SHANK1: variants seen among roughly 807,000 people sequenced by gnomAD.
SHANK1 encodes the protein SH3 and multiple ankyrin repeat domains protein 1.
Under a neutral mutation model 165.6 loss-of-function variants are expected in SHANK1, and 35 were observed. That is an observed-to-expected ratio of 0.21 (90% CI 0.16 to 0.28). SHANK1 has a LOEUF of 0.28. Ranked by LOEUF, SHANK1 falls within the 10% of genes least tolerant of loss-of-function variation. The pLI is 1.00. For missense variants in SHANK1, 2,681 were observed against 3,036.4 expected (o/e 0.88, Z 2.75); for synonymous variants, 1,428 against 1,384.8 (o/e 1.03, Z -0.69).
At chr19:50,715,857 A>C in intron 3 of SHANK1, 127 bp from the exon 4 acceptor site, 1 of 892,062 alleles carries the variant, frequency 1.1e-6, no homozygotes, top group Non-Finnish European at 1.9e-6. Context: ...GGTGGGAGTG[A>C]AAACAGCCCT....
In SHANK1 at chr19:50,717,097, C is replaced by A. The variant is rs2089079874; in HGVS notation, c.-43-135G>T. 1.5e-6 allele frequency: 1 copy of A among 674,082 alleles called. No individual in the cohort carries two copies. Among genetic ancestry groups the A allele is most frequent in the Non-Finnish European group, 2.2e-6 (1 of 458,974 alleles). The allele number at this position is 674,082 out of a possible 1,614,324, so 41.8% of individuals were successfully genotyped here. A position where few individuals can be genotyped will look rare whatever the true frequency, so the allele number is the denominator to read the frequency against. ...ATAGGCAGGAAGGAGGCTGGACACA[C>A]CCTCGGCCTGCACGGCCTCCCCTGC... On this transcript the variant is annotated intron_variant, in intron 1 of 23. Transcript: ENST00000293441. The surrounding 1 kb of genome is among the most constrained non-coding windows in gnomAD (Gnocchi z 5.5).
chr19:50,685,030 G>T (rs915821323), intron 21 of SHANK1, among the ~76,000 whole-genome samples: 1 of 152,314 alleles, frequency 6.6e-6, no homozygotes, highest in Non-Finnish European at 1.5e-5. Flanking sequence ...AAAAGCCAAA[G>T]GACCCAGTTT....
In SHANK1 at chr19:50,687,912, C is replaced by A; in HGVS notation, c.2308+11G>T. Reference sequence around the variant, plus strand: ...GCAGTGGGGTGGCTGCGAGAGTGGCCGCAGGAGCACCTTTCTTGTGCACTG... The same window carrying A: ...GCAGTGGGGTGGCTGCGAGAGTGGCAGCAGGAGCACCTTTCTTGTGCACTG... On this transcript the variant is annotated intron_variant, in intron 18 of 23. Transcript: ENST00000293441. 1 of 1,613,784 alleles carries A rather than the reference C, an allele frequency of 6.2e-7. No homozygotes were observed. The highest frequency in any genetic ancestry group is 8.5e-7 in the Non-Finnish European group (1 of 1,179,884).
chr19:50,701,933 C>T (rs994867359), intron 12 of SHANK1, among the ~76,000 whole-genome samples: 5 of 152,184 alleles, frequency 3.3e-5, no homozygotes, highest in East Asian at 1.9e-4. Context: ...ACCCTCGCCA[C>T]GGCCAAACAT....
chr19:50,681,776 A>G (rs1568433201), intron 21 of SHANK1, among the ~76,000 whole-genome samples: 2 of 152,082 alleles, frequency 1.3e-5, no homozygotes, highest in African/African-American at 4.8e-5. Context: ...CAGTGAATTA[A>G]TTTATGTATT....
rs1425861918 is a variant in SHANK1, at chr19:50,663,939, TC to T, written c.5769-1258del. On this transcript the variant is annotated intron_variant, in intron 23 of 23. Coordinates refer to ENST00000293441, the MANE Select transcript of SHANK1 (RefSeq NM_016148.5). ...TTTCTTTTCTTTCTCTCTCTCTCTC[TC>T]TTTTTTTTTTTTTTTTTAAGACAGG... Among the ~76,000 whole-genome samples the T allele has an allele frequency of 4.4e-3, 338 of 76,712 alleles. 2 individuals carry two copies. Among genetic ancestry groups the T allele is most frequent in the African/African-American group, 0.02 (313 of 15,960 alleles). 50.3% of individuals were successfully genotyped at this position (76,712 alleles called of 152,430 possible).
At position 50,711,977 on chromosome 19, in the gene SHANK1, A is replaced by T; in HGVS notation, c.930T>A (p.Ala310=). ...LLFNRAQLGI[A]DENGWQEIHQ... is the part of the protein sequence containing the mutation. ...GGATTTCCTGCCAGCCGTTCTCATC[A>T]GCTATGCCCAGCTGGGCCCTGTTGA... Residue 310 remains alanine (A), a synonymous_variant, in exon 7 of 24, where the codon GCT becomes GCA. Transcript: ENST00000293441. 1 of 1,614,048 alleles carries T rather than the reference A, an allele frequency of 6.2e-7. No individual in the cohort carries two copies. Among genetic ancestry groups the T allele is most frequent in the Non-Finnish European group, 8.5e-7 (1 of 1,180,002 alleles).
intron 10 of SHANK1, 134 bp downstream of exon 10, chr19:50,703,986 C>A: frequency 1.1e-6 from 1 of 929,986 alleles, no homozygotes; most frequent in South Asian, 1.5e-5. Context: ...CACCACCATC[C>A]AGACATTTTT....
chr19:50,708,186 C>A (rs557949533), intron 8 of SHANK1, among the ~76,000 whole-genome samples: 1 of 151,954 alleles, frequency 6.6e-6, no homozygotes, highest in African/African-American at 2.4e-5. Flanking sequence ...ACCTCGTGAT[C>A]CGCCTGCTTC....
At chr19:50,677,267 A>G (rs1249098250) in intron 21 of SHANK1, among the ~76,000 whole-genome samples, 2 of 151,746 alleles carry the variant, frequency 1.3e-5, no homozygotes, top group Admixed American at 6.6e-5. Context: ...AGCTGAGACT[A>G]TAGGTTCCCA....
At position 50,670,630 on chromosome 19, in the gene SHANK1, G is replaced by A. The variant is rs1985755446; in HGVS notation, c.2675-1345C>T. 6.9e-6 allele frequency among the ~76,000 whole-genome samples: 1 copy of A among 144,214 alleles called. No homozygotes were observed. The highest frequency in any genetic ancestry group is 7.6e-5 in the Admixed American group (1 of 13,228). 94.6% of individuals were successfully genotyped at this position (144,214 alleles called of 152,430 possible). A position where few individuals can be genotyped will look rare whatever the true frequency, so the allele number is the denominator to read the frequency against. ...GACCCTGTCCCCCCACTGCCCTCATGTCCAGTGCTCACTTGGCCCCTGCTA... is the reference window on the plus strand; with the variant it reads ...GACCCTGTCCCCCCACTGCCCTCATATCCAGTGCTCACTTGGCCCCTGCTA... On this transcript the variant is annotated intron_variant, in intron 22 of 23. Transcript: ENST00000293441. The surrounding 1 kb of genome is among the most constrained non-coding windows in gnomAD (Gnocchi z 4.1).
intron 12 of SHANK1, among the ~76,000 whole-genome samples, chr19:50,699,868 G>C (rs1400856640): frequency 6.7e-6 from 1 of 150,146 alleles, no homozygotes; most frequent in Non-Finnish European, 1.5e-5. Context: ...TGGAGGGCTC[G>C]GGGCATTGGA....
At chr19:50,706,377 G>A (rs951100757) in intron 8 of SHANK1, among the ~76,000 whole-genome samples, 4 of 152,064 alleles carry the variant, frequency 2.6e-5, no homozygotes, top group Admixed American at 6.6e-5. Flanking sequence ...ATTTCTCACC[G>A]GTGTCAATCA....
At chr19:50,673,124 C>T (rs903435321) in intron 21 of SHANK1, among the ~76,000 whole-genome samples, 3 of 152,224 alleles carry the variant, frequency 2.0e-5, no homozygotes, top group South Asian at 2.1e-4. Flanking sequence ...TACGGAGGCC[C>T]GAGGCAGCAC....
At position 50,716,365 on chromosome 19, in the gene SHANK1, G is replaced by A. The variant is rs1178139466; in HGVS notation, c.369C>T (p.Ala123=). The A allele has an allele frequency of 2.5e-6, 4 of 1,614,220 alleles. No homozygotes were observed. Among genetic ancestry groups the A allele is most frequent in the East Asian group, 4.5e-5 (2 of 44,872 alleles). The change falls in exon 3 of 24, where the codon GCC becomes GCT. Residue 123 remains alanine, a synonymous_variant. Coordinates refer to ENST00000293441, the MANE Select transcript of SHANK1 (RefSeq NM_016148.5). The surrounding 1 kb of genome is among the most constrained non-coding windows in gnomAD (Gnocchi z 8.4). ...DVLNYGLFQP[A]TSGRDANFLE... The stretch of plus-strand genomic sequence containing the variant: ...GGAAGTTGGCATCGCGGCCGGAGGT[G>A]GCCGGTTGGAACAGGCCATAGTTGA...
rs767789609 is a variant in SHANK1, at chr19:50,714,303, C to T, written c.532-13G>A. 1 of 1,611,708 alleles carries T rather than the reference C, an allele frequency of 6.2e-7. No homozygotes were observed. Among genetic ancestry groups the T allele is most frequent in the East Asian group, 2.2e-5 (1 of 44,850 alleles). Reference sequence around the variant, plus strand: ...TCTTCAACCCCGTCTGAGCCATGGGCAAAGAGAGAGAAGACAGGACAGTCA... The same window carrying T: ...TCTTCAACCCCGTCTGAGCCATGGGTAAAGAGAGAGAAGACAGGACAGTCA... On this transcript the variant is annotated splice_polypyrimidine_tract_variant and intron_variant, in intron 4 of 23. Coordinates refer to ENST00000293441, the MANE Select transcript of SHANK1 (RefSeq NM_016148.5).
In SHANK1 at chr19:50,659,800, A is replaced by C. The variant is rs1446712943; in HGVS notation, c.*2165T>G. On this transcript the variant is annotated 3_prime_UTR_variant, in exon 24 of 24. Transcript: ENST00000293441. The stretch of plus-strand genomic sequence containing the variant: ...CCCCCCACCCCCTACACCCTCCCCA[A>C]CCCCGCGGCACCCATCCAGAATGAA... 1.8e-3 allele frequency among the ~76,000 whole-genome samples: 50 copies of C among 28,044 alleles called. No homozygotes were observed. Among genetic ancestry groups the C allele is most frequent in the South Asian group, 5.3e-3 (4 of 758 alleles). The allele number at this position is 28,044 out of a possible 152,430, so 18.4% of individuals were successfully genotyped here.
intron 4 of SHANK1, among the ~76,000 whole-genome samples, 197 bp downstream of exon 4, chr19:50,715,462 T>C (rs1336505959): frequency 1.3e-5 from 2 of 149,208 alleles, no homozygotes; most frequent in Non-Finnish European, 3.0e-5. Context: ...GGGGTTGTGA[T>C]GGGGATAATG....
chr19:50,701,746 G>A (rs769260389), intron 12 of SHANK1, among the ~76,000 whole-genome samples: 9 of 152,144 alleles, frequency 5.9e-5, no homozygotes, highest in Non-Finnish European at 2.9e-5. Flanking sequence ...TTGTTCCAAT[G>A]CCTCGTATTA....
Sources: gnomAD v4.1 joint callset for allele counts (sites outside exome capture counted in the v4.1 genomes callset) on GRCh38, gnomAD v4.1.1 for gene constraint, Gnocchi (gnomAD v3.1) non-coding constraint, MANE v1.5 for transcripts, NCBI Gene and HGNC (gene_info 2026-07-23, HGNC 2026-07-21) for gene names.